Variants in STARD13 observed in about 807,000 individuals in gnomAD.
The protein encoded by STARD13 is stAR-related lipid transfer protein 13.
STARD13 carries 62 observed loss-of-function variants against 106.4 expected under a neutral mutation model. The observed-to-expected ratio is 0.58, with a 90% confidence interval of 0.48 to 0.72. The LOEUF is 0.72. Among genes scored for constraint, STARD13 ranks in the 30% least tolerant of loss-of-function variants. STARD13 has a pLI of 0.00. For missense variants in STARD13, 1,387 were observed against 1,424.0 expected, an observed-to-expected ratio of 0.97 and a Z score of 0.42; for synonymous variants, 565 against 553.0, an observed-to-expected ratio of 1.02 and a Z score of -0.31.
At chr13:33,663,412 C>A in the STARD13 span, among the ~76,000 whole-genome samples, 1 of 152,060 alleles carries the variant, frequency 6.6e-6, no homozygotes, top group East Asian at 1.9e-4. Flanking sequence ...TGCTTAGCTG[C>A]TAGGGTATAG....
the STARD13 span, among the ~76,000 whole-genome samples, chr13:33,413,773 T>G: frequency 1.3e-5 from 2 of 152,194 alleles, no homozygotes; most frequent in Admixed American, 1.3e-4. Flanking sequence ...GGCTCATGCC[T>G]GTAATCCCAG....
chr13:33,293,820 T>C (rs773264375), intron 1 of STARD13, among the ~76,000 whole-genome samples: 9 of 152,198 alleles, frequency 5.9e-5, no homozygotes, highest in African/African-American at 1.2e-4. Flanking sequence ...CCCTCAAACA[T>C]TGGACTCTAA....
At chr13:33,397,355 G>A in the STARD13 span, among the ~76,000 whole-genome samples, 1 of 152,130 alleles carries the variant, frequency 6.6e-6, no homozygotes, top group African/African-American at 2.4e-5. Flanking sequence ...ACTAAACCCA[G>A]GATTCTTTCT....
At chr13:33,553,134 A>G in the STARD13 span, among the ~76,000 whole-genome samples, 2,209 of 152,278 alleles carry the variant, frequency 0.015, 46 homozygotes, top group African/African-American at 0.041. Context: ...ATTGATATAA[A>G]GAGTTGCATT....
chr13:33,281,985 A>G (rs1891809474), intron 1 of STARD13, among the ~76,000 whole-genome samples: 1 of 152,186 alleles, frequency 6.6e-6, no homozygotes, highest in Non-Finnish European at 1.5e-5. Flanking sequence ...TGGCAAAATT[A>G]ATGTATTGTG....
downstream of STARD13, among the ~76,000 whole-genome samples, chr13:33,346,925 G>A (rs1206645594): frequency 6.6e-6 from 1 of 151,694 alleles, no homozygotes; most frequent in Non-Finnish European, 1.5e-5. Context: ...GGCATGAGCC[G>A]CTGCACCTGG....
the STARD13 span, among the ~76,000 whole-genome samples, chr13:33,464,615 CG>C: frequency 3.3e-5 from 5 of 152,038 alleles, no homozygotes; most frequent in Non-Finnish European, 7.4e-5. Flanking sequence ...TTTAGGAGGC[CG>C]AGGGGGGCAG....
the STARD13 span, among the ~76,000 whole-genome samples, chr13:33,628,973 T>A: frequency 4.6e-5 from 7 of 152,348 alleles, no homozygotes; most frequent in African/African-American, 1.4e-4. Context: ...ATGGCAGTTA[T>A]GTGATTACGA....
At chr13:33,642,010 T>G in the STARD13 span, among the ~76,000 whole-genome samples, 2 of 152,368 alleles carry the variant, frequency 1.3e-5, no homozygotes, top group Non-Finnish European at 2.9e-5. Context: ...CATTCTAGAC[T>G]CTAGGCTCTT....
chr13:33,347,720 T>C (rs2078032605), downstream of STARD13, among the ~76,000 whole-genome samples: 1 of 152,168 alleles, frequency 6.6e-6, no homozygotes, highest in Non-Finnish European at 1.5e-5. Context: ...TTTGTGTAAA[T>C]ACATTCTATG....
the STARD13 span, among the ~76,000 whole-genome samples, chr13:33,369,350 G>GA: frequency 6.6e-6 from 1 of 152,168 alleles, no homozygotes; most frequent in Non-Finnish European, 1.5e-5. Context: ...CTTTTGCAGT[G>GA]AAAATGCATA....
intron 1 of STARD13, among the ~76,000 whole-genome samples, chr13:33,217,219 G>A (rs964821687): frequency 1.3e-5 from 2 of 152,094 alleles, no homozygotes; most frequent in African/African-American, 2.4e-5. Flanking sequence ...ATAGCCCACA[G>A]GACATGAAAT....
the STARD13 span, among the ~76,000 whole-genome samples, chr13:33,519,445 C>T: frequency 6.6e-6 from 1 of 151,626 alleles, no homozygotes; most frequent in Admixed American, 6.6e-5. Context: ...CCACCTCGGC[C>T]TCCCAAAGTG....
chr13:33,206,695 C>T (rs1395199186), intron 1 of STARD13, among the ~76,000 whole-genome samples: 1 of 152,204 alleles, frequency 6.6e-6, no homozygotes, highest in Non-Finnish European at 1.5e-5. Flanking sequence ...TGGGGTTGAA[C>T]AGGTGACTGT....
chr13:33,249,802 T>C (rs1018714703), intron 1 of STARD13, among the ~76,000 whole-genome samples: 3 of 152,190 alleles, frequency 2.0e-5, no homozygotes, highest in African/African-American at 7.2e-5. Flanking sequence ...TTTATTTATT[T>C]TGTTAGAGAC....
At chr13:33,400,699 G>T in the STARD13 span, among the ~76,000 whole-genome samples, 2 of 152,036 alleles carry the variant, frequency 1.3e-5, no homozygotes, top group African/African-American at 2.4e-5. Context: ...TCCTGACGTC[G>T]TGATCCGCCC....
intron 1 of STARD13, among the ~76,000 whole-genome samples, chr13:33,267,509 C>G (rs1226251606): frequency 1.3e-5 from 2 of 152,196 alleles, no homozygotes; most frequent in African/African-American, 4.8e-5. Flanking sequence ...TTAAGGTCCG[C>G]CCATCAAACT....
the STARD13 span, among the ~76,000 whole-genome samples, chr13:33,661,761 T>C: frequency 1.3e-5 from 2 of 151,920 alleles, no homozygotes; most frequent in Non-Finnish European, 2.9e-5. Flanking sequence ...CCTTAACACA[T>C]GGGGATTGTT....
intron 10 of STARD13, 118 bp from the exon 11 acceptor site, chr13:33,111,025 G>A (rs1256170536): frequency 1.6e-5 from 13 of 797,576 alleles, no homozygotes; most frequent in East Asian, 1.6e-4. Flanking sequence ...AGGGCCACAC[G>A]GCCAGAGATG....
Sources: gnomAD v4.1 joint callset for allele counts (sites outside exome capture counted in the v4.1 genomes callset) on GRCh38, gnomAD v4.1.1 for gene constraint, MANE v1.5 for transcripts, NCBI Gene and HGNC (gene_info 2026-07-23, HGNC 2026-07-21) for gene names.